GFRA1: variants seen among roughly 807,000 people sequenced by gnomAD.
GFRA1 encodes the protein GDNF family receptor alpha-1.
GFRA1 carries 16 observed loss-of-function variants against 51.6 expected under a neutral mutation model. The observed-to-expected ratio is 0.31, with a 90% CI of 0.21 to 0.47. The LOEUF (loss-of-function observed/expected upper bound fraction) is 0.47, where lower values mean the gene tolerates loss of function less well. GFRA1 is among the 20% of genes least tolerant of loss of function. GFRA1 has a pLI of 1.00. For missense variants in GFRA1, 530 were observed against 594.3 expected (o/e 0.89, Z 1.13); for synonymous variants, 270 against 241.3 (o/e 1.12, Z -1.10).
intron 5 of GFRA1, among the ~76,000 whole-genome samples, chr10:116,199,916 T>G (rs573942395): frequency 6.6e-6 from 1 of 152,210 alleles, no homozygotes; most frequent in Non-Finnish European, 1.5e-5. Flanking sequence ...CGATGTTGAG[T>G]TCTTTTCCAT....
chr10:116,184,789 C>T (rs74905468), intron 5 of GFRA1, among the ~76,000 whole-genome samples: 3,353 of 152,268 alleles, frequency 0.022, 119 homozygotes, highest in African/African-American at 0.074. Flanking sequence ...CATTGGTCAC[C>T]GGTGTTCCTG....
At chr10:116,065,542 T>C (rs1386330973) in intron 10 of GFRA1, 31 bp downstream of exon 10, 1 of 1,579,018 alleles carries the variant, frequency 6.3e-7, no homozygotes, top group Non-Finnish European at 8.7e-7. Context: ...TTTCTATAAA[T>C]GCACGAAGCC....
At chr10:116,111,264 G>A (rs904041884) in intron 6 of GFRA1, among the ~76,000 whole-genome samples, 1 of 152,182 alleles carries the variant, frequency 6.6e-6, no homozygotes, top group Non-Finnish European at 1.5e-5. Context: ...GGTCAACTTA[G>A]AGACAACAGA....
At chr10:116,208,444 A>G (rs976725620) in intron 5 of GFRA1, among the ~76,000 whole-genome samples, 7 of 152,162 alleles carry the variant, frequency 4.6e-5, no homozygotes, top group Non-Finnish European at 8.8e-5. Flanking sequence ...TACTGGCTGC[A>G]GAATAAACAT....
Position 116,125,425 on chromosome 10 carries a change from C to A in GFRA1, c.566G>T (p.Arg189Leu). The A allele has an allele frequency of 6.2e-7, 1 of 1,614,198 alleles. No individual in the cohort carries two copies. The highest frequency in any genetic ancestry group is 1.1e-5 in the South Asian group (1 of 91,084). The stretch of plus-strand genomic sequence containing the variant: ...CCGGAGGGCCTTGTGGCACTTGCGG[C>A]GGTTGCAGACATCGTTGGACACGCT... Reference protein sequence around the residue: ...TTSVSNDVCNRRKCHKALRQF... With the variant: ...TTSVSNDVCNLRKCHKALRQF... The change falls in exon 6 of 11, where the codon CGC (arginine) becomes CTC (leucine). Residue 189 changes from arginine (R) to leucine (L), a missense_variant. Transcript: ENST00000355422.
intron 5 of GFRA1, among the ~76,000 whole-genome samples, chr10:116,194,055 T>C (rs1278554414): frequency 3.6e-5 from 1 of 27,902 alleles, no homozygotes; most frequent in Non-Finnish European, 7.0e-5. Context: ...AAAAAATAAA[T>C]AAATAAAATT....
intron 9 of GFRA1, among the ~76,000 whole-genome samples, chr10:116,073,461 T>C (rs1472183643): frequency 6.6e-6 from 1 of 152,236 alleles, no homozygotes; most frequent in East Asian, 1.9e-4. Context: ...GAAGCAATTA[T>C]GAGCTGTATT....
At chr10:116,137,982 T>C (rs1958402808) in intron 5 of GFRA1, among the ~76,000 whole-genome samples, 1 of 152,100 alleles carries the variant, frequency 6.6e-6, no homozygotes, top group South Asian at 2.1e-4. Flanking sequence ...TTTGTATTTT[T>C]AGTAGAGATG....
At chr10:116,170,438 CA>C (rs1960912691) in intron 5 of GFRA1, among the ~76,000 whole-genome samples, 1 of 152,158 alleles carries the variant, frequency 6.6e-6, no homozygotes, top group African/African-American at 2.4e-5. Context: ...CATACCTAGT[CA>C]ACAGATGGTG....
chr10:116,169,153 C>G (rs758720000), intron 5 of GFRA1, among the ~76,000 whole-genome samples: 42 of 152,194 alleles, frequency 2.8e-4, no homozygotes, highest in Non-Finnish European at 4.7e-4. Flanking sequence ...AGAGGGACCA[C>G]TGTCTTTATG....
intron 4 of GFRA1, chr10:116,255,755 T>G: frequency 1.6e-6 from 2 of 1,287,618 alleles, no homozygotes; most frequent in Non-Finnish European, 2.0e-6. Flanking sequence ...CATTGCACTC[T>G]GCACTTTCTG....
At chr10:116,151,656 G>A (rs926510913) in intron 5 of GFRA1, among the ~76,000 whole-genome samples, 1 of 152,088 alleles carries the variant, frequency 6.6e-6, no homozygotes, top group Non-Finnish European at 1.5e-5. Flanking sequence ...CATAGAACGG[G>A]GCACCAGGAA....
chr10:116,176,199 G>A (rs994802469), intron 5 of GFRA1, among the ~76,000 whole-genome samples: 4 of 152,116 alleles, frequency 2.6e-5, no homozygotes, highest in Admixed American at 2.0e-4. Flanking sequence ...ACGTGTCGGC[G>A]CTCTGAAAAA....
rs1271039199 is a variant in GFRA1 at position 116,255,572 on chromosome 10, T to C, written c.418+13931A>G. The C allele has an allele frequency of 4.7e-6, 6 of 1,287,066 alleles. No individual in the cohort carries two copies. The South Asian group carries it at 6.2e-5, about 13-fold the overall frequency. The allele number at this position is 1,287,066 out of a possible 1,614,324, so 79.7% of individuals were successfully genotyped here. ...CTCAACACAGGACTAGCATATTCAG[T>C]ATTAATTTTCTCTGCTGGCTGGGTA... On this transcript the variant is annotated intron_variant, in intron 4 of 10. Coordinates refer to ENST00000355422, the MANE Select transcript of GFRA1 (RefSeq NM_005264.8).
chr10:116,254,613 G>A (rs1271081140), intron 4 of GFRA1, among the ~76,000 whole-genome samples: 1 of 152,170 alleles, frequency 6.6e-6, no homozygotes. Context: ...CTGCCCTTTG[G>A]CAACCAGAGC....
intron 6 of GFRA1, among the ~76,000 whole-genome samples, chr10:116,107,695 G>A (rs1207726639): frequency 6.6e-6 from 1 of 152,166 alleles, no homozygotes; most frequent in Non-Finnish European, 1.5e-5. Context: ...AGAAGGTGCT[G>A]TCTGTACCCT....
At chr10:116,207,906 C>T (rs1386722135) in intron 5 of GFRA1, among the ~76,000 whole-genome samples, 1 of 151,998 alleles carries the variant, frequency 6.6e-6, no homozygotes, top group African/African-American at 2.4e-5. Context: ...CAGTTAGAGC[C>T]GCCCACTCAG....
chr10:116,058,065 G>A lies in GFRA1; in HGVS notation c.*6333C>T, dbSNP rs1335588667. 7.0e-6 allele frequency: 1 copy of A among 143,446 alleles called. No homozygotes were observed. Among genetic ancestry groups the A allele is most frequent in the Non-Finnish European group, 1.5e-5 (1 of 67,352 alleles). 8.9% of individuals were successfully genotyped at this position (143,446 alleles called of 1,614,324 possible). On this transcript the variant is annotated 3_prime_UTR_variant, in exon 11 of 11. Transcript: ENST00000355422. Reference sequence around the variant, plus strand: ...GTGACAGAGAGAACCACGCTTTATTGGCGGAGCCTTATGTGCCAGCGAACT... The same window carrying A: ...GTGACAGAGAGAACCACGCTTTATTAGCGGAGCCTTATGTGCCAGCGAACT...
At chr10:116,115,259 G>C (rs534479590) in intron 6 of GFRA1, among the ~76,000 whole-genome samples, 5 of 152,140 alleles carry the variant, frequency 3.3e-5, no homozygotes, top group African/African-American at 4.8e-5. Context: ...GGATGGGTGT[G>C]GGGGAGTGTG....
Sources: gnomAD v4.1 joint callset for allele counts (sites outside exome capture counted in the v4.1 genomes callset) on GRCh38, gnomAD v4.1.1 for gene constraint, MANE v1.5 for transcripts, NCBI Gene and HGNC (gene_info 2026-07-23, HGNC 2026-07-21) for gene names.